The following MAX variants were observed in gnomAD, a reference collection of about 807,000 sequenced individuals.
MAX encodes the protein protein max.
A neutral mutation model predicts 22.3 loss-of-function variants in MAX; 3 were observed. The ratio of observed to expected loss-of-function variants is 0.13; its 90% confidence interval spans 0.06 to 0.35. MAX has a LOEUF of 0.35. Among genes scored for constraint, MAX ranks in the 10% least tolerant of loss-of-function variants. MAX has a pLI of 1.00. For synonymous variants in MAX, 72 were observed against 77.7 expected (o/e 0.93, Z 0.39); for missense variants, 119 against 209.4 (o/e 0.57, Z 2.66).
At chr14:65,053,453 C>T in intron 3 of MAX, 2 of 956,098 alleles carry the variant, frequency 2.1e-6, no homozygotes, top group South Asian at 4.8e-5. Flanking sequence ...AGAGGTGTCA[C>T]CTTCAGCACC....
In MAX at chr14:65,062,445, C is replaced by T. The variant is rs1011105427; in HGVS notation, c.171+31263G>A. 6.6e-6 allele frequency: 1 copy of T among 152,656 alleles called. No homozygotes were observed. Among genetic ancestry groups the T allele is most frequent in the African/African-American group, 2.4e-5 (1 of 41,458 alleles). 9.5% of individuals were successfully genotyped at this position (152,656 alleles called of 1,614,324 possible). A position where few individuals can be genotyped will look rare whatever the true frequency, so the allele number is the denominator to read the frequency against. On this transcript the variant is annotated intron_variant, in intron 3 of 3. Transcript: ENST00000341653. The surrounding 1 kb of genome is among the most constrained non-coding windows in gnomAD (Gnocchi z 4.3). ...TGCTGTGCTGCACATTGAGCCCTTT[C>T]TCAGTCAGTGGAGTATCAAGTTGGG... is the stretch of plus-strand genomic sequence containing the variant.
chr14:65,034,949 G>T (rs1262361638), intron 3 of MAX, among the ~76,000 whole-genome samples: 1 of 152,236 alleles, frequency 6.6e-6, no homozygotes, highest in Non-Finnish European at 1.5e-5. Context: ...TTAGCAGGCA[G>T]TCAACTTGGT....
At chr14:65,045,018 G>T (rs1418253518) in intron 3 of MAX, among the ~76,000 whole-genome samples, 3 of 152,182 alleles carry the variant, frequency 2.0e-5, no homozygotes, top group Non-Finnish European at 4.4e-5. Flanking sequence ...CTAAATGGGA[G>T]TTTGTTCCAC....
chr14:65,048,481 G>A (rs1302459435), intron 3 of MAX, among the ~76,000 whole-genome samples: 2 of 152,186 alleles, frequency 1.3e-5, no homozygotes, highest in Admixed American at 6.5e-5. Flanking sequence ...CCCAGCAAGT[G>A]ACCATCAGTG....
chr14:65,067,640 T>C (rs79167746), intron 3 of MAX, among the ~76,000 whole-genome samples: 16 of 151,864 alleles, frequency 1.1e-4, no homozygotes, highest in African/African-American at 2.4e-4. Context: ...TTTTTTTTTT[T>C]CCAAGAGACA....
chr14:65,024,257 A>C (rs2061940619), intron 3 of MAX, among the ~76,000 whole-genome samples: 1 of 152,218 alleles, frequency 6.6e-6, no homozygotes, highest in Non-Finnish European at 1.5e-5. Context: ...GTTTAAAAAA[A>C]ATACTGCCAC....
rs138935551 is a variant in MAX, at chr14:65,082,069, T to C, written c.172-4033A>G. The C allele has an allele frequency of 4.7e-4, 71 of 152,338 alleles. No individual in the cohort carries two copies. The highest frequency in any genetic ancestry group is 1.7e-3 in the African/African-American group (69 of 41,574). The allele number at this position is 152,338 out of a possible 1,614,324, so 9.4% of individuals were successfully genotyped here. ...TGTCAGGCATCCTCACACAACCTTC[T>C]GATGTTTTCCCTATTTTATAAATGA... On this transcript the variant is annotated intron_variant, in intron 3 of 4. Coordinates refer to ENST00000358664, the MANE Select transcript of MAX (RefSeq NM_002382.5). This position sits in a 1 kb window ranked among gnomAD's most constrained non-coding sequence, Gnocchi z 4.8.
At position 65,076,717 on chromosome 14, in the gene MAX, C is replaced by T; in HGVS notation, c.296-54G>A. ...TGCCTTCTGGAGACTTGGGGAGTAA[C>T]CGAGTCTCAGACTCAGGGTCCAGCC... On this transcript the variant is annotated intron_variant, in intron 4 of 4. Coordinates refer to ENST00000358664, the MANE Select transcript of MAX (RefSeq NM_002382.5). The surrounding 1 kb of genome is among the most constrained non-coding windows in gnomAD (Gnocchi z 6.6). 6.2e-7 allele frequency: 1 copy of T among 1,609,724 alleles called. No individual in the cohort carries two copies. The highest frequency in any genetic ancestry group is 8.5e-7 in the Non-Finnish European group (1 of 1,176,094).
At chr14:65,063,799 A>G (rs1761951949) in intron 3 of MAX, among the ~76,000 whole-genome samples, 1 of 152,196 alleles carries the variant, frequency 6.6e-6, no homozygotes. Context: ...TCCTGGGCTC[A>G]AGCAATCTTC....
At chr14:65,096,739 G>T (rs2063685405) in intron 2 of MAX, among the ~76,000 whole-genome samples, 1 of 152,126 alleles carries the variant, frequency 6.6e-6, no homozygotes, top group Non-Finnish European at 1.5e-5. Context: ...CAATTGTCTT[G>T]AACAAATAAA....
intron 3 of MAX, among the ~76,000 whole-genome samples, chr14:65,039,876 A>G (rs1287216606): frequency 6.6e-6 from 1 of 152,194 alleles, no homozygotes; most frequent in Non-Finnish European, 1.5e-5. Context: ...GAAAAATATT[A>G]CTAGTAGACC....
chr14:65,092,506 T>C (rs1321640463), intron 3 of MAX, among the ~76,000 whole-genome samples: 1 of 152,256 alleles, frequency 6.6e-6, no homozygotes, highest in Admixed American at 6.5e-5. Flanking sequence ...ATTTCCGTGG[T>C]ACTTAGTGTT....
chr14:65,019,508 AT>A (rs71123900), intron 3 of MAX, among the ~76,000 whole-genome samples: 1 of 151,786 alleles, frequency 6.6e-6, no homozygotes, highest in East Asian at 1.9e-4. Context: ...CAAACAAAAC[AT>A]TTTTTTTAAG....
At position 65,077,785 on chromosome 14, in the gene MAX, G is replaced by T; in HGVS notation, c.295+128C>A. 2.5e-6 allele frequency: 4 copies of T among 1,613,864 alleles called. No individual in the cohort carries two copies. Among genetic ancestry groups the T allele is most frequent in the Non-Finnish European group, 3.4e-6 (4 of 1,179,974 alleles). ...TAACACTCAGTTACTCAGGCCCCAA[G>T]AAGCAGGACCAAGCCTGCTACTGAG... On this transcript the variant is annotated intron_variant, in intron 4 of 4. Transcript: ENST00000358664. This position sits in a 1 kb window ranked among gnomAD's most constrained non-coding sequence, Gnocchi z 6.3.
chr14:65,072,267 C>A (rs1271146789), downstream of MAX, among the ~76,000 whole-genome samples: 1 of 152,136 alleles, frequency 6.6e-6, no homozygotes, highest in Non-Finnish European at 1.5e-5. Flanking sequence ...CATGTCATTA[C>A]CCCTGCTTGG....
At chr14:65,058,710 G>A (rs530212228) in intron 3 of MAX, among the ~76,000 whole-genome samples, 8 of 152,032 alleles carry the variant, frequency 5.3e-5, no homozygotes, top group East Asian at 1.9e-4. Flanking sequence ...TGCTTTCTCC[G>A]CATCTGATTT....
At chr14:65,083,307 A>G (rs942627) in intron 3 of MAX, among the ~76,000 whole-genome samples, 41,198 of 152,140 alleles carry the variant, frequency 0.27, 6,165 homozygotes, top group Non-Finnish European at 0.34. Context: ...TGGATTCTAA[A>G]TAGAACCGTT....
chr14:65,099,809 A>G (rs546741030), intron 2 of MAX, among the ~76,000 whole-genome samples: 1 of 152,376 alleles, frequency 6.6e-6, no homozygotes, highest in South Asian at 2.1e-4. Flanking sequence ...GAATACTTCA[A>G]GGATAAATAA....
rs984336797 is a variant in MAX, at chr14:65,032,417, C to T, written c.172-26133G>A. On this transcript the variant is annotated intron_variant, in intron 3 of 3. Coordinates refer to the MAX transcript ENST00000341653. This position sits in a 1 kb window ranked among gnomAD's most constrained non-coding sequence, Gnocchi z 5.0. ...TCATGTTCTTTCACTGAAGCCATGC[C>T]GTGAGCAACTCTATCCAAATAGAAT... 6.1e-6 allele frequency: 3 copies of T among 491,940 alleles called. No homozygotes were observed. The highest frequency in any genetic ancestry group is 2.0e-5 in the African/African-American group (1 of 49,958). The allele number at this position is 491,940 out of a possible 1,614,324, so 30.5% of individuals were successfully genotyped here. A position where few individuals can be genotyped will look rare whatever the true frequency, so the allele number is the denominator to read the frequency against.
Sources: gnomAD v4.1 joint callset for allele counts (sites outside exome capture counted in the v4.1 genomes callset) on GRCh38, gnomAD v4.1.1 for gene constraint, Gnocchi (gnomAD v3.1) non-coding constraint, MANE v1.5 for transcripts, NCBI Gene and HGNC (gene_info 2026-07-23, HGNC 2026-07-21) for gene names.